WHR1: variants seen among roughly 807,000 people sequenced by gnomAD.
WHR1 encodes MHC class III HLA-RP1.
the WHR1 span, chr6:31,972,693 C>T: frequency 4.3e-6 from 7 of 1,613,778 alleles, no homozygotes; most frequent in South Asian, 6.6e-5. This position sits in a 1 kb window ranked among gnomAD's most constrained non-coding sequence, Gnocchi z 6.3. Flanking sequence ...GCGCTGCCGC[C>T]CATCGTGCTG....
At chr6:31,972,000 C>G in the WHR1 span, 5 of 1,602,526 alleles carry the variant, frequency 3.1e-6, no homozygotes, top group Non-Finnish European at 4.3e-6. The surrounding 1 kb of genome is among the most constrained non-coding windows in gnomAD (Gnocchi z 4.5). Flanking sequence ...CCGAAGGATG[C>G]AAAAGTGGTT....
chr6:31,971,906 G>T, the WHR1 span: 1 of 1,519,244 alleles, frequency 6.6e-7, no homozygotes, highest in South Asian at 1.3e-5. This position sits in a 1 kb window ranked among gnomAD's most constrained non-coding sequence, Gnocchi z 4.5. Flanking sequence ...GGACGTCTGC[G>T]CTCAGATCAA....
the WHR1 span, among the ~76,000 whole-genome samples, chr6:31,978,671 A>G: frequency 6.6e-6 from 1 of 152,232 alleles, no homozygotes; most frequent in Non-Finnish European, 1.5e-5. Context: ...CTTAGAAATT[A>G]TATTGACTCT....
At chr6:31,972,658 G>A in the WHR1 span, 1 of 1,613,658 alleles carries the variant, frequency 6.2e-7, no homozygotes, top group South Asian at 1.1e-5. This position sits in a 1 kb window ranked among gnomAD's most constrained non-coding sequence, Gnocchi z 6.3. Flanking sequence ...TCATGCAGCT[G>A]TTCCCGCGAG....
At chr6:31,980,325 T>A in the WHR1 span, 1 of 858,432 alleles carries the variant, frequency 1.2e-6, no homozygotes, top group Non-Finnish European at 1.8e-6. Flanking sequence ...GCTGGGATTT[T>A]GTTATCCAGT....
chr6:31,977,490 C>T, the WHR1 span, among the ~76,000 whole-genome samples: 323 of 151,944 alleles, frequency 2.1e-3, 3 homozygotes, highest in African/African-American at 7.4e-3. Context: ...TACAGGTGCC[C>T]GCCACTATGC....
the WHR1 span, chr6:31,971,243 C>T: frequency 6.5e-7 from 1 of 1,548,096 alleles, no homozygotes; most frequent in Non-Finnish European, 8.7e-7. This position sits in a 1 kb window ranked among gnomAD's most constrained non-coding sequence, Gnocchi z 4.5. Flanking sequence ...GACTGATTCT[C>T]ACCCCGGCTT....
the WHR1 span, chr6:31,972,128 A>G: frequency 1.2e-6 from 2 of 1,612,786 alleles, no homozygotes; most frequent in South Asian, 2.2e-5. The surrounding 1 kb of genome is among the most constrained non-coding windows in gnomAD (Gnocchi z 6.3). Flanking sequence ...GCGCCCCTCC[A>G]CGCCGCCAAC....
chr6:31,979,231 AGGGGGAGGAGGAGG>A, the WHR1 span, among the ~76,000 whole-genome samples: 2 of 64,708 alleles, frequency 3.1e-5, no homozygotes, highest in Non-Finnish European at 5.6e-5. Flanking sequence ...GGAAGGAAGG[AGGGGGAGGAGGAGG>A]GGGGGAGGAA....
the WHR1 span, among the ~76,000 whole-genome samples, chr6:31,974,258 T>G: frequency 7.4e-6 from 1 of 135,440 alleles, no homozygotes; most frequent in African/African-American, 2.8e-5. Context: ...CCACCCTGGG[T>G]GATAGAGCTA....
the WHR1 span, chr6:31,971,256 G>T: frequency 6.5e-7 from 1 of 1,540,372 alleles, no homozygotes; most frequent in Non-Finnish European, 8.8e-7. This position sits in a 1 kb window ranked among gnomAD's most constrained non-coding sequence, Gnocchi z 4.5. Context: ...CCCGGCTTTG[G>T]CTCTCCTAAT....
chr6:31,977,874 A>G, the WHR1 span, among the ~76,000 whole-genome samples: 1 of 152,004 alleles, frequency 6.6e-6, no homozygotes, highest in African/African-American at 2.4e-5. Context: ...GCTCACAGCA[A>G]CTTTCTGGGT....
chr6:31,979,740 C>G, the WHR1 span: 4 of 697,512 alleles, frequency 5.7e-6, no homozygotes, highest in Non-Finnish European at 9.1e-6. Context: ...CCTATCTTAC[C>G]TGGGCCTTAG....
At chr6:31,979,641 G>A in the WHR1 span, 3 of 1,525,034 alleles carry the variant, frequency 2.0e-6, no homozygotes, top group Non-Finnish European at 1.8e-6. Context: ...CTGTTTTTTT[G>A]GTGAACCTGC....
the WHR1 span, chr6:31,972,455 T>G: frequency 2.5e-6 from 4 of 1,612,892 alleles, no homozygotes; most frequent in Non-Finnish European, 3.4e-6. This position sits in a 1 kb window ranked among gnomAD's most constrained non-coding sequence, Gnocchi z 6.3. Flanking sequence ...ACCTTTGGAG[T>G]TAAGAGGCGG....
the WHR1 span, among the ~76,000 whole-genome samples, chr6:31,977,489 C>T: frequency 6.6e-6 from 1 of 151,684 alleles, no homozygotes; most frequent in Non-Finnish European, 1.5e-5. Context: ...CTACAGGTGC[C>T]CGCCACTATG....
the WHR1 span, among the ~76,000 whole-genome samples, chr6:31,974,007 G>A: frequency 5.9e-5 from 9 of 152,148 alleles, no homozygotes; most frequent in African/African-American, 2.2e-4. Context: ...CCCAGAGGCC[G>A]GCGCGGTGGC....
chr6:31,976,775 A>T, the WHR1 span, among the ~76,000 whole-genome samples: 1 of 152,268 alleles, frequency 6.6e-6, no homozygotes, highest in East Asian at 1.9e-4. Flanking sequence ...AGTGAACCAG[A>T]CACCGTCTGC....
chr6:31,975,037 A>G, the WHR1 span, among the ~76,000 whole-genome samples: 2 of 152,180 alleles, frequency 1.3e-5, no homozygotes, highest in Non-Finnish European at 2.9e-5. Context: ...ATAAACATAT[A>G]TAATTTAAAT....
Sources: gnomAD v4.1 joint callset for allele counts (sites outside exome capture counted in the v4.1 genomes callset) on GRCh38, gnomAD v4.1.1 for gene constraint, Gnocchi (gnomAD v3.1) non-coding constraint, MANE v1.5 for transcripts, NCBI Gene and HGNC (gene_info 2026-07-23, HGNC 2026-07-21) for gene names.